Variants in CREBBP observed in about 807,000 individuals in gnomAD.
CREBBP encodes CREB binding lysine acetyltransferase.
A neutral mutation model predicts 265.0 loss-of-function variants in CREBBP; 19 were observed. The ratio of observed to expected loss-of-function variants is 0.07; its 90% confidence interval spans 0.05 to 0.11. CREBBP has a LOEUF of 0.11. Ranked by LOEUF, CREBBP falls within the 10% of genes least tolerant of loss-of-function variation. The pLI, the probability that CREBBP is intolerant of heterozygous loss-of-function variation, is 1.00. For synonymous variants in CREBBP, 1,457 were observed against 1,223.7 expected (o/e 1.19, Z -3.98); for missense variants, 2,525 against 3,219.0 (o/e 0.78, Z 5.22).
intron 9 of CREBBP, 84 bp from the exon 10 acceptor site, chr16:3,778,266 A>C: frequency 8.6e-7 from 1 of 1,157,644 alleles, no homozygotes; most frequent in Non-Finnish European, 1.3e-6. Flanking sequence ...CTAACTAATG[A>C]ACTTCCTCAT....
At chr16:3,809,928 G>C (rs1025835424) in intron 3 of CREBBP, among the ~76,000 whole-genome samples, 1 of 152,078 alleles carries the variant, frequency 6.6e-6, no homozygotes, top group African/African-American at 2.4e-5. Context: ...GAGCACACCA[G>C]ACATGCAGCA....
At chr16:3,769,086 T>C (rs1042952146) in intron 15 of CREBBP, 88 bp downstream of exon 15, 110 of 1,436,458 alleles carry the variant, frequency 7.7e-5, no homozygotes, top group Non-Finnish European at 1.0e-4. Context: ...AAGTCAGGGA[T>C]ACCCATGGCA....
rs978682332 is a variant in CREBBP at position 3,850,211 on chromosome 16, G to A, written c.798+86C>T. The A allele has an allele frequency of 5.9e-6, 8 of 1,352,394 alleles. No homozygotes were observed. The African/African-American group carries it at 1.1e-4, about 19-fold the overall frequency. The allele number at this position is 1,352,394 out of a possible 1,614,324, so 83.8% of individuals were successfully genotyped here. A position where few individuals can be genotyped will look rare whatever the true frequency, so the allele number is the denominator to read the frequency against. ...AGAGCCCAAGAGGAAAAACAGGAGT[G>A]GGCCACGTGGTCCCATTTTACGCAT... is the stretch of plus-strand genomic sequence containing the variant. On this transcript the variant is annotated intron_variant, in intron 2 of 30. Transcript: ENST00000262367.
At chr16:3,769,040 A>T (rs2052932617) in intron 15 of CREBBP, 134 bp downstream of exon 15, 4 of 1,022,344 alleles carry the variant, frequency 3.9e-6, no homozygotes, top group Non-Finnish European at 6.0e-6. Context: ...TATACACCAA[A>T]CCCCGAACCC....
intron 18 of CREBBP, 98 bp from the exon 19 acceptor site, chr16:3,757,474 G>T: frequency 9.2e-7 from 1 of 1,092,596 alleles, no homozygotes; most frequent in Non-Finnish European, 1.4e-6. Flanking sequence ...AATTATTTCT[G>T]TTAGTATATT....
chr16:3,823,325 A>G (rs535836053), intron 2 of CREBBP, among the ~76,000 whole-genome samples: 29 of 152,332 alleles, frequency 1.9e-4, no homozygotes, highest in Non-Finnish European at 2.8e-4. Context: ...AACTGTCATT[A>G]AACACTGAAT....
Position 3,772,301 on chromosome 16 carries a change from T to A in CREBBP, c.2464-1315A>T, listed in dbSNP as rs545439299. Among the ~76,000 whole-genome samples, 69 of 145,782 alleles carry A rather than the reference T, an allele frequency of 4.7e-4. No individual in the cohort carries two copies. In the East Asian group the frequency reaches 4.8e-3, roughly 10 times the overall value. ...TAAGTACCCTTAACAATTAAAAATT[T>A]AAAAAAAAAATTCTCTCTGAAACAC... On this transcript the variant is annotated intron_variant, in intron 13 of 30. Coordinates refer to ENST00000262367, the MANE Select transcript of CREBBP (RefSeq NM_004380.3).
intron 16 of CREBBP, among the ~76,000 whole-genome samples, chr16:3,761,942 CTGCT>C (rs1409965827): frequency 6.6e-6 from 1 of 152,214 alleles, no homozygotes; most frequent in Non-Finnish European, 1.5e-5. Context: ...ATGTGGCCAG[CTGCT>C]TGCTTTTCTG....
intron 1 of CREBBP, among the ~76,000 whole-genome samples, chr16:3,859,138 T>A (rs2055021668): frequency 6.6e-6 from 1 of 152,220 alleles, no homozygotes; most frequent in South Asian, 2.1e-4. Context: ...TCTTCCACCC[T>A]GTCTCCTGGC....
intron 3 of CREBBP, among the ~76,000 whole-genome samples, chr16:3,805,110 T>C (rs544609444): frequency 1.5e-4 from 23 of 152,342 alleles, no homozygotes; most frequent in African/African-American, 5.1e-4. Flanking sequence ...GGGGATAAGT[T>C]TGAATAGAAG....
At chr16:3,747,618 C>T (rs1260980189) in intron 21 of CREBBP, among the ~76,000 whole-genome samples, 1 of 152,186 alleles carries the variant, frequency 6.6e-6, no homozygotes. Flanking sequence ...CCATGTGTTC[C>T]CTCTGCCTGG....
At chr16:3,776,942 C>A (rs890308338) in intron 11 of CREBBP, among the ~76,000 whole-genome samples, 1 of 151,824 alleles carries the variant, frequency 6.6e-6, no homozygotes, top group African/African-American at 2.4e-5. Context: ...GGCATGAACC[C>A]GGGAGGCGGA....
Position 3,767,844 on chromosome 16 carries a change from T to C in CREBBP, c.3126A>G (p.Lys1042=). ...TTTCATCCACTTCCATTGGTTCTGA[T>C]TTCTGCTCTGCTATGTCTGTTTCTT... ...VKEETDIAEQ[K]SEPMEVDEKK... is the part of the protein sequence containing the mutation. Residue 1042 remains lysine, a synonymous_variant, in exon 16 of 31, where the codon AAA becomes AAG. Transcript: ENST00000262367. 1 of 1,614,248 alleles carries C rather than the reference T, an allele frequency of 6.2e-7. No individual in the cohort carries two copies. The highest frequency in any genetic ancestry group is 1.1e-5 in the South Asian group (1 of 91,088).
chr16:3,856,932 C>A (rs2054976365), intron 1 of CREBBP, among the ~76,000 whole-genome samples: 1 of 152,106 alleles, frequency 6.6e-6, no homozygotes, highest in Non-Finnish European at 1.5e-5. Flanking sequence ...TTAGTGAAAC[C>A]CAGGGCAGGG....
At chr16:3,837,694 C>A (rs997463457) in intron 2 of CREBBP, among the ~76,000 whole-genome samples, 2 of 151,162 alleles carry the variant, frequency 1.3e-5, no homozygotes, top group African/African-American at 4.8e-5. Context: ...AGTACAAATA[C>A]GTTTGTACAC....
At chr16:3,730,291 C>G (rs2051879216) in intron 30 of CREBBP, among the ~76,000 whole-genome samples, 1 of 152,192 alleles carries the variant, frequency 6.6e-6, no homozygotes, top group African/African-American at 2.4e-5. Context: ...CAGCCCTTGC[C>G]ACAGCCTGTC....
At chr16:3,816,666 G>A (rs908622824) in intron 2 of CREBBP, among the ~76,000 whole-genome samples, 3 of 152,156 alleles carry the variant, frequency 2.0e-5, no homozygotes, top group African/African-American at 4.8e-5. Flanking sequence ...TGGGTACCAC[G>A]GAAAGTACAA....
At chr16:3,742,017 C>A (rs947445774) in intron 23 of CREBBP, 2 of 152,078 alleles carry the variant, frequency 1.3e-5, no homozygotes, top group African/African-American at 4.8e-5. Context: ...GAGGCAAGAG[C>A]TTGCAGTGAG....
intron 1 of CREBBP, among the ~76,000 whole-genome samples, chr16:3,858,232 C>T (rs990234727): frequency 9.8e-5 from 15 of 152,310 alleles, no homozygotes; most frequent in Non-Finnish European, 1.2e-4. Context: ...TCAATCTGTG[C>T]AGCCAATAAC....
Sources: allele counts gnomAD v4.1 joint callset (sites outside exome capture counted in the v4.1 genomes callset), GRCh38; gene constraint gnomAD v4.1.1; transcripts MANE v1.5; gene names NCBI Gene and HGNC (gene_info 2026-07-23, HGNC 2026-07-21).